The following RPTOR variants were observed in gnomAD, a reference collection of about 807,000 sequenced individuals.
The protein encoded by RPTOR is regulatory-associated protein of mTOR.
Under a neutral mutation model 169.9 loss-of-function variants are expected in RPTOR, and 21 were observed. That is an observed-to-expected ratio of 0.12 (90% CI 0.09 to 0.18). The LOEUF (loss-of-function observed/expected upper bound fraction) is 0.18. Ranked by LOEUF, RPTOR falls within the 10% of genes least tolerant of loss-of-function variation. The probability of loss-of-function intolerance (pLI) is 1.00; values close to 1 mark genes in which losing one functional copy is unlikely to be tolerated. For synonymous variants in RPTOR, 732 were observed against 753.2 expected, an observed-to-expected ratio of 0.97 and a Z score of 0.46; for missense variants, 1,133 against 1,855.9, an observed-to-expected ratio of 0.61 and a Z score of 7.16.
At position 80,918,510 on chromosome 17, in the gene RPTOR, T is replaced by TCGCGGGGGTCATAGCCAC. The variant is rs1567986217; in HGVS notation, c.2521-4214_2521-4213insCGCGGGGGTCATAGCCAC. Among the ~76,000 whole-genome samples the TCGCGGGGGTCATAGCCAC allele has an allele frequency of 3.8e-3, 383 of 101,840 alleles. 12 individuals are homozygous for TCGCGGGGGTCATAGCCAC. The highest frequency in any genetic ancestry group is 4.8e-3 in the Non-Finnish European group (237 of 49,588). 66.8% of individuals were successfully genotyped at this position (101,840 alleles called of 152,430 possible). A position where few individuals can be genotyped will look rare whatever the true frequency, so the allele number is the denominator to read the frequency against. ...AGCACCCTCGCGGGGGTCATAGCCA[T>TCGCGGGGGTCATAGCCAC]GAGCACCCTCGCGGGGGTCATAGCC... On this transcript the variant is annotated intron_variant, in intron 21 of 33. Coordinates refer to ENST00000306801, the MANE Select transcript of RPTOR (RefSeq NM_020761.3).
intron 2 of RPTOR, among the ~76,000 whole-genome samples, chr17:80,634,704 CTGTGTGTGTGCGTACTG>C (rs1567831443): frequency 7.7e-5 from 5 of 64,902 alleles, no homozygotes; most frequent in Admixed American, 7.6e-4. Flanking sequence ...CGTGTGCGTA[CTGTGTGTGTGCGTACTG>C]TGTGTGTGCG....
At position 80,708,677 on chromosome 17, in the gene RPTOR, G is replaced by T. The variant is rs1438847719; in HGVS notation, c.507+678G>T. On this transcript the variant is annotated intron_variant, in intron 4 of 33. Coordinates refer to ENST00000306801, the MANE Select transcript of RPTOR (RefSeq NM_020761.3). The surrounding 1 kb of genome is among the most constrained non-coding windows in gnomAD (Gnocchi z 4.2). ...GCTGACTGTTGTCCCCACCCTCCAG[G>T]GTGTGGTGGGTGCTGACTGTCTCCC... Among the ~76,000 whole-genome samples, 2 of 150,980 alleles carry T rather than the reference G, an allele frequency of 1.3e-5. No homozygotes were observed. Among genetic ancestry groups the T allele is most frequent in the Non-Finnish European group, 3.0e-5 (2 of 67,782 alleles).
chr17:80,742,943 TACACAC>T (rs138446030), intron 5 of RPTOR, among the ~76,000 whole-genome samples: 1 of 150,840 alleles, frequency 6.6e-6, no homozygotes, highest in Non-Finnish European at 1.5e-5. Context: ...CACTCACCTA[TACACAC>T]ACACACACAC....
intron 1 of RPTOR, among the ~76,000 whole-genome samples, chr17:80,584,711 C>T (rs531690080): frequency 2.6e-5 from 4 of 152,218 alleles, no homozygotes; most frequent in Admixed American, 6.5e-5. Context: ...CGGGCCTGTC[C>T]GGATGGAACG....
intron 1 of RPTOR, among the ~76,000 whole-genome samples, chr17:80,554,600 C>T (rs975149009): frequency 5.3e-5 from 8 of 151,934 alleles, no homozygotes; most frequent in Non-Finnish European, 8.8e-5. Context: ...AAAAATTAGC[C>T]GGGCGAGGTG....
At chr17:80,624,226 A>G (rs550185319) in intron 1 of RPTOR, among the ~76,000 whole-genome samples, 2 of 152,380 alleles carry the variant, frequency 1.3e-5, no homozygotes, top group South Asian at 2.1e-4. Flanking sequence ...GAAGAAAACT[A>G]TAAAAATGTT....
chr17:80,770,073 A>G (rs1308533000), intron 6 of RPTOR, among the ~76,000 whole-genome samples: 1 of 152,180 alleles, frequency 6.6e-6, no homozygotes, highest in African/African-American at 2.4e-5. Flanking sequence ...TCCCAGGTCA[A>G]GGCATCGGTG....
chr17:80,799,674 G>A (rs911828001), intron 7 of RPTOR, among the ~76,000 whole-genome samples: 1 of 152,108 alleles, frequency 6.6e-6, no homozygotes, highest in African/African-American at 2.4e-5. Context: ...ATGACCTGCA[G>A]GAAGTAAAAC....
chr17:80,578,392 G>T (rs569183648), intron 1 of RPTOR, among the ~76,000 whole-genome samples: 1 of 152,158 alleles, frequency 6.6e-6, no homozygotes, highest in Non-Finnish European at 1.5e-5. Flanking sequence ...GGAACACAGG[G>T]TATCTTGCAG....
intron 4 of RPTOR, among the ~76,000 whole-genome samples, chr17:80,709,466 C>T (rs767840770): frequency 1.1e-4 from 16 of 152,232 alleles, no homozygotes; most frequent in Non-Finnish European, 2.2e-4. Flanking sequence ...GCTGGGCGGA[C>T]GCTGGCGCGC....
At chr17:80,635,828 C>T (rs2065501927) in intron 2 of RPTOR, among the ~76,000 whole-genome samples, 1 of 151,988 alleles carries the variant, frequency 6.6e-6, no homozygotes, top group Non-Finnish European at 1.5e-5. Context: ...GGTGGTGAAG[C>T]TTGTGGGGCA....
chr17:80,558,318 C>G (rs982412621), intron 1 of RPTOR, among the ~76,000 whole-genome samples: 8 of 152,054 alleles, frequency 5.3e-5, no homozygotes, highest in Non-Finnish European at 1.2e-4. Flanking sequence ...CCCCTGAAAC[C>G]CTTAAACTTG....
At chr17:80,831,739 GTGTATCCCTGTGTATCACTA>G (rs1567936801) in intron 9 of RPTOR, among the ~76,000 whole-genome samples, 6 of 151,374 alleles carry the variant, frequency 4.0e-5, no homozygotes, top group Non-Finnish European at 7.4e-5. Flanking sequence ...CTGTGTCACT[GTGTATCCCTGTGTATCACTA>G]TGTATCCCTG....
intron 1 of RPTOR, among the ~76,000 whole-genome samples, chr17:80,576,373 G>A (rs1477197034): frequency 3.3e-5 from 5 of 152,162 alleles, no homozygotes; most frequent in African/African-American, 1.2e-4. Flanking sequence ...TAGGAATACT[G>A]AAAAAAGTAC....
intron 3 of RPTOR, among the ~76,000 whole-genome samples, chr17:80,667,646 C>T (rs1455765202): frequency 3.9e-5 from 6 of 152,180 alleles, no homozygotes; most frequent in Non-Finnish European, 7.3e-5. Context: ...AGCTGAGTCT[C>T]TTGGGACAAA....
At chr17:80,702,272 ATT>A (rs1331171173) in intron 3 of RPTOR, among the ~76,000 whole-genome samples, 1 of 151,824 alleles carries the variant, frequency 6.6e-6, no homozygotes, top group Non-Finnish European at 1.5e-5. Context: ...TCGGTTATTC[ATT>A]CTTTTATTAT....
rs1223765916 is a variant in RPTOR at position 80,845,956 on chromosome 17, C to G, written c.1213-517C>G. Among the ~76,000 whole-genome samples the G allele has an allele frequency of 6.6e-6, 1 of 152,198 alleles. No homozygotes were observed. Among genetic ancestry groups the G allele is most frequent in the Non-Finnish European group, 1.5e-5 (1 of 68,040 alleles). On this transcript the variant is annotated intron_variant, in intron 10 of 33. Coordinates refer to ENST00000306801, the MANE Select transcript of RPTOR (RefSeq NM_020761.3). This position sits in a 1 kb window ranked among gnomAD's most constrained non-coding sequence, Gnocchi z 5.4. ...CTTTCCCTCCACTGCCGGGCCCTCACCGGCCCCAGCGCGGCCCCAGCTCAT... is the reference window on the plus strand; with the variant it reads ...CTTTCCCTCCACTGCCGGGCCCTCAGCGGCCCCAGCGCGGCCCCAGCTCAT...
chr17:80,840,741 G>A (rs1378099776), intron 10 of RPTOR, among the ~76,000 whole-genome samples: 6 of 123,240 alleles, frequency 4.9e-5, no homozygotes, highest in Non-Finnish European at 6.7e-5. Context: ...CTCACCGCAC[G>A]GCAGCTCACT....
intron 20 of RPTOR, among the ~76,000 whole-genome samples, chr17:80,903,238 A>C (rs1316768507): frequency 6.6e-6 from 1 of 152,232 alleles, no homozygotes; most frequent in Non-Finnish European, 1.5e-5. Flanking sequence ...GCAGAGCCAG[A>C]AGCCCCGCAG....
Sources: allele counts gnomAD v4.1 joint callset (sites outside exome capture counted in the v4.1 genomes callset), GRCh38; gene constraint gnomAD v4.1.1; non-coding constraint Gnocchi (gnomAD v3.1); transcripts MANE v1.5; gene names NCBI Gene and HGNC (gene_info 2026-07-23, HGNC 2026-07-21).